Variants in COL4A1 observed in about 807,000 individuals in gnomAD.
COL4A1 encodes the protein collagen alpha-1(IV) chain.
COL4A1 carries 40 observed loss-of-function variants against 216.6 expected under a neutral mutation model. That is an observed-to-expected ratio of 0.18 (90% CI 0.14 to 0.24). The LOEUF is 0.24. Among genes scored for constraint, COL4A1 ranks in the 10% least tolerant of loss-of-function variants. COL4A1 has a pLI of 1.00. For missense variants in COL4A1, 1,628 were observed against 2,196.8 expected (o/e 0.74, Z 5.18); for synonymous variants, 839 against 810.7 (o/e 1.03, Z -0.59).
In COL4A1 at chr13:110,150,385, T is replaced by C; in HGVS notation, c.4988A>G (p.Gln1663Arg). 6.2e-7 allele frequency: 1 copy of C among 1,613,934 alleles called. No homozygotes were observed. Among genetic ancestry groups the C allele is most frequent in the East Asian group, 2.2e-5 (1 of 44,884 alleles). The stretch of plus-strand genomic sequence containing the variant: ...TCATTATGTTCTTCTCATACAGACT[T>C]GGCAGCGGCTGACGTGCGTGCGCAG... ...GELRTHVSRC[Q>R]VCMRRT Residue 1663 changes from glutamine (Q) to arginine (R), a missense_variant, in exon 52 of 52, where the codon CAA (glutamine) becomes CGA (arginine). By Grantham distance (43) the Gln-to-Arg change is conservative. Around this residue, in one of 8 missense-constraint regions of COL4A1, gnomAD observed 254 missense variants for 300.1 expected, o/e 0.85. Coordinates refer to ENST00000375820, the MANE Select transcript of COL4A1 (RefSeq NM_001845.6).
intron 1 of COL4A1, among the ~76,000 whole-genome samples, chr13:110,302,766 G>A (rs760116015): frequency 3.9e-5 from 6 of 152,224 alleles, no homozygotes; most frequent in Non-Finnish European, 5.9e-5. Context: ...GTAGGAATAT[G>A]TCTTTTGTAT....
At chr13:110,153,383 A>G (rs1162289761) in intron 50 of COL4A1, among the ~76,000 whole-genome samples, 1 of 152,122 alleles carries the variant, frequency 6.6e-6, no homozygotes, top group East Asian at 1.9e-4. Flanking sequence ...GAACGTCACT[A>G]TTTTCGTTTG....
intron 29 of COL4A1, among the ~76,000 whole-genome samples, chr13:110,180,906 G>A (rs1261992128): frequency 6.6e-6 from 1 of 152,206 alleles, no homozygotes; most frequent in Non-Finnish European, 1.5e-5. Flanking sequence ...ATTGAACCCA[G>A]AATGCCAGTA....
intron 10 of COL4A1, 73 bp from the exon 11 acceptor site, chr13:110,209,500 G>T: frequency 9.5e-7 from 1 of 1,050,908 alleles, no homozygotes; most frequent in Non-Finnish European, 1.4e-6. Flanking sequence ...TCAGGCTGAC[G>T]TTATCTTAAG....
chr13:110,249,498 G>A (rs954936088), intron 1 of COL4A1, among the ~76,000 whole-genome samples: 2 of 152,146 alleles, frequency 1.3e-5, no homozygotes, highest in Non-Finnish European at 2.9e-5. Context: ...GCAGCAAGCT[G>A]AAGCAGGCAC....
At chr13:110,158,875 T>C (rs1876929708) in intron 49 of COL4A1, among the ~76,000 whole-genome samples, 1 of 151,904 alleles carries the variant, frequency 6.6e-6, no homozygotes, top group East Asian at 1.9e-4. Context: ...CCTGAGTAGC[T>C]GGGATTACAG....
At position 110,268,771 on chromosome 13, in the gene COL4A1, C is replaced by G. The variant is rs1012616626; in HGVS notation, c.85-26037G>C. On this transcript the variant is annotated intron_variant, in intron 1 of 51. Transcript: ENST00000375820. This position sits in a 1 kb window ranked among gnomAD's most constrained non-coding sequence, Gnocchi z 4.1. ...AAATCAGCTGACTTCCAGGACCACA[C>G]GCCTGGCACGTGGGAGGCTCAACAA... Among the ~76,000 whole-genome samples, 11 of 152,316 alleles carry G rather than the reference C, an allele frequency of 7.2e-5. No individual in the cohort carries two copies. In the East Asian group the frequency reaches 2.1e-3, roughly 29 times the overall value.
chr13:110,259,011 T>C, intron 1 of COL4A1, among the ~76,000 whole-genome samples: 1 of 152,264 alleles, frequency 6.6e-6, no homozygotes, highest in Non-Finnish European at 1.5e-5. Flanking sequence ...TGGGATCCTT[T>C]GCGGATGCAA....
At chr13:110,215,258 T>C (rs1362044019) in intron 2 of COL4A1, among the ~76,000 whole-genome samples, 1 of 139,088 alleles carries the variant, frequency 7.2e-6, no homozygotes, top group African/African-American at 2.8e-5. Context: ...GAAATGTCTT[T>C]CAAGAGTATT....
chr13:110,175,463 A>G, intron 36 of COL4A1, 106 bp from the exon 37 acceptor site: 1 of 1,547,434 alleles, frequency 6.5e-7, no homozygotes, highest in Non-Finnish European at 8.7e-7. Context: ...AAGAACGTGA[A>G]TCCCCCACAA....
rs150682198 is a variant in COL4A1, at chr13:110,174,389, A to T, written c.3406+57T>A. ...TGATGGGAACTCCTTGGGGCCTCCC[A>T]TCCCCTGGCCACTGTTCTCTATGTG... On this transcript the variant is annotated intron_variant, in intron 39 of 51. Coordinates refer to ENST00000375820, the MANE Select transcript of COL4A1 (RefSeq NM_001845.6). The T allele has an allele frequency of 1.3e-4, 212 of 1,595,498 alleles. 1 individual carries two copies. In the African/African-American group the frequency reaches 2.6e-3, roughly 19 times the overall value.
chr13:110,187,034 T>C (rs1468195899), intron 25 of COL4A1, 104 bp downstream of exon 25: 2 of 1,416,756 alleles, frequency 1.4e-6, no homozygotes, highest in Non-Finnish European at 2.0e-6. Flanking sequence ...TGTGCCATCA[T>C]CAAGGAGATA....
At chr13:110,179,586 A>G (rs1878058016) in intron 29 of COL4A1, among the ~76,000 whole-genome samples, 165 bp from the exon 30 acceptor site, 1 of 152,232 alleles carries the variant, frequency 6.6e-6, no homozygotes, top group Admixed American at 6.5e-5. Context: ...CATACCTATT[A>G]TATCTTTTCA....
chr13:110,200,722 T>C lies in COL4A1; in HGVS notation c.1120+132A>G, dbSNP rs193236022. On this transcript the variant is annotated intron_variant, in intron 20 of 51. Coordinates refer to ENST00000375820, the MANE Select transcript of COL4A1 (RefSeq NM_001845.6). The stretch of plus-strand genomic sequence containing the variant: ...CACTTGTCTACTCTGCTTTCATCAC[T>C]AGAAAAGATGTCGTAAGATTGCTAC... 1,366 of 996,158 alleles carry C rather than the reference T, an allele frequency of 1.4e-3. 3 individuals are homozygous for C. Among genetic ancestry groups the C allele is most frequent in the Non-Finnish European group, 1.9e-3 (1,204 of 640,024 alleles). The allele number at this position is 996,158 out of a possible 1,614,324, so 61.7% of individuals were successfully genotyped here.
chr13:110,206,668 G>A lies in COL4A1; in HGVS notation c.855C>T (p.Pro285=), dbSNP rs1879530819. Residue 285 remains proline, a synonymous_variant, in exon 15 of 52, where the codon CCC becomes CCT. Coordinates refer to ENST00000375820, the MANE Select transcript of COL4A1 (RefSeq NM_001845.6). ...GEKGEPGKPG[P]RGKPGKDGDK... is the part of the protein sequence containing the mutation. ...AAGGACTTTGGAAAGCACTTACTCT[G>A]GGTCCTGGTTTTCCGGGTTCACCTT... is the stretch of plus-strand genomic sequence containing the variant. 6.2e-7 allele frequency: 1 copy of A among 1,614,152 alleles called. No homozygotes were observed. The highest frequency in any genetic ancestry group is 1.7e-5 in the Admixed American group (1 of 60,020).
At chr13:110,292,676 C>A (rs1164962635) in intron 1 of COL4A1, among the ~76,000 whole-genome samples, 1 of 152,142 alleles carries the variant, frequency 6.6e-6, no homozygotes, top group Non-Finnish European at 1.5e-5. Context: ...ACCATCAAAT[C>A]TCATGAGAAC....
At chr13:110,285,181 A>C (rs76553953) in intron 1 of COL4A1, among the ~76,000 whole-genome samples, 3,495 of 152,346 alleles carry the variant, frequency 0.023, 83 homozygotes, top group South Asian at 0.073. Context: ...CACTAGCCAG[A>C]AGTATTTTTA....
At chr13:110,162,520 A>C in intron 47 of COL4A1, 78 bp from the exon 48 acceptor site, 3 of 1,092,326 alleles carry the variant, frequency 2.7e-6, no homozygotes, top group Non-Finnish European at 4.2e-6. Context: ...TTTTCTCCAA[A>C]GAGTTTTTAA....
intron 32 of COL4A1, 60 bp downstream of exon 32, chr13:110,178,004 G>T: frequency 6.2e-7 from 1 of 1,613,986 alleles, no homozygotes; most frequent in South Asian, 1.1e-5. Context: ...GTCATAAAAA[G>T]AATAAGGTGA....
Sources: gnomAD v4.1 joint callset for allele counts (sites outside exome capture counted in the v4.1 genomes callset) on GRCh38, gnomAD v4.1.1 for gene constraint, gnomAD v4.1.1 regional missense constraint, Gnocchi (gnomAD v3.1) non-coding constraint, MANE v1.5 for transcripts, NCBI Gene and HGNC (gene_info 2026-07-23, HGNC 2026-07-21) for gene names.